Variants in DCC observed in about 807,000 individuals in gnomAD.
The protein encoded by DCC is netrin receptor DCC.
A neutral mutation model predicts 172.5 loss-of-function variants in DCC; 58 were observed. That is an observed-to-expected ratio of 0.34 (90% CI 0.27 to 0.42). DCC has a LOEUF of 0.42. Ranked by LOEUF, DCC falls within the 10% of genes least tolerant of loss-of-function variation. The pLI is 1.00. For synonymous variants in DCC, 709 were observed against 644.5 expected (o/e 1.10, Z -1.52); for missense variants, 1,740 against 1,791.0 (o/e 0.97, Z 0.51).
At chr18:53,156,769 T>G (rs1223839786) in intron 7 of DCC, among the ~76,000 whole-genome samples, 2 of 152,202 alleles carry the variant, frequency 1.3e-5, no homozygotes, top group African/African-American at 4.8e-5. Context: ...TGAGTTTATC[T>G]TCTGAATTGT....
rs184992750 is a variant in DCC, at chr18:53,029,309, A to G, written c.986-33996A>G. ...TAAGAATAGCCTAAAATAAATTTCT[A>G]TTGCTTCATTAGAACAGTGTCACCT... On this transcript the variant is annotated intron_variant, in intron 5 of 28. Transcript: ENST00000442544. 4.6e-5 allele frequency among the ~76,000 whole-genome samples: 7 copies of G among 152,284 alleles called. No individual in the cohort carries two copies. In the East Asian group the frequency reaches 5.8e-4, roughly 13 times the overall value.
At position 53,427,999 on chromosome 18, in the gene DCC, TATATA is replaced by T. The variant is rs1185133879; in HGVS notation, c.3164-7136_3164-7132del. Among the ~76,000 whole-genome samples the T allele has an allele frequency of 1.2e-3, 100 of 82,918 alleles. 13 individuals are homozygous for T. Among genetic ancestry groups the T allele is most frequent in the Middle Eastern group, 0.01 (1 of 96 alleles). The allele number at this position is 82,918 out of a possible 152,430, so 54.4% of individuals were successfully genotyped here. A position where few individuals can be genotyped will look rare whatever the true frequency, so the allele number is the denominator to read the frequency against. On this transcript the variant is annotated intron_variant, in intron 21 of 28. Transcript: ENST00000442544. ...AATATAATATAATATATTATAATAATATATAATATAATACTATAATAATATAGAAT... is the reference window on the plus strand; with the variant it reads ...AATATAATATAATATATTATAATAATATATAATACTATAATAATATAGAAT...
chr18:53,186,284 G>A (rs971479990), intron 9 of DCC, among the ~76,000 whole-genome samples: 4 of 152,300 alleles, frequency 2.6e-5, no homozygotes, highest in South Asian at 2.1e-4. Context: ...CAGGCAGCAC[G>A]GTCAACTAGT....
intron 22 of DCC, among the ~76,000 whole-genome samples, chr18:53,448,846 C>T (rs376306497): frequency 5.0e-4 from 76 of 152,184 alleles, no homozygotes; most frequent in African/African-American, 1.8e-3. Context: ...GAGCAAGACT[C>T]TGTCTCAAAA....
At chr18:52,797,826 C>T (rs777207386) in intron 2 of DCC, among the ~76,000 whole-genome samples, 3 of 152,158 alleles carry the variant, frequency 2.0e-5, no homozygotes, top group African/African-American at 4.8e-5. Flanking sequence ...GCCAGGTCCC[C>T]GGACAGTACA....
chr18:53,487,008 G>C (rs200908858), intron 26 of DCC, 50 bp downstream of exon 26: 1 of 1,610,352 alleles, frequency 6.2e-7, no homozygotes, highest in Non-Finnish European at 8.5e-7. Flanking sequence ...TAATAGCAAA[G>C]GTGTCTTGTA....
intron 12 of DCC, among the ~76,000 whole-genome samples, chr18:53,251,162 A>G (rs772606292): frequency 1.6e-4 from 24 of 151,568 alleles, no homozygotes; most frequent in Non-Finnish European, 3.2e-4. Context: ...GCTCCCCCCA[A>G]CCCCTGCTTT....
At chr18:52,958,249 TC>T (rs1273408399) in intron 5 of DCC, among the ~76,000 whole-genome samples, 1 of 152,128 alleles carries the variant, frequency 6.6e-6, no homozygotes, top group Non-Finnish European at 1.5e-5. Flanking sequence ...TTTTTTATAA[TC>T]TGCATTTTTT....
At chr18:52,688,357 C>A (rs1430339017) in intron 1 of DCC, among the ~76,000 whole-genome samples, 4 of 152,040 alleles carry the variant, frequency 2.6e-5, no homozygotes, top group Non-Finnish European at 5.9e-5. Flanking sequence ...AATATGGAAG[C>A]TTGGAGTGAT....
chr18:53,478,105 C>T (rs1387365528), intron 25 of DCC, among the ~76,000 whole-genome samples: 1 of 152,164 alleles, frequency 6.6e-6, no homozygotes, highest in African/African-American at 2.4e-5. Flanking sequence ...GTGAAGGATA[C>T]AGAATTGGGG....
At chr18:52,626,250 A>G (rs922853526) in intron 1 of DCC, among the ~76,000 whole-genome samples, 22 of 152,178 alleles carry the variant, frequency 1.4e-4, no homozygotes, top group African/African-American at 5.3e-4. Flanking sequence ...TCCAGGTGCC[A>G]TATAGATGGA....
intron 2 of DCC, among the ~76,000 whole-genome samples, chr18:52,872,559 T>G (rs1295588684): frequency 6.6e-6 from 1 of 152,172 alleles, no homozygotes; most frequent in African/African-American, 2.4e-5. Context: ...TATTTTTGTT[T>G]CCTTCAATCT....
chr18:52,759,555 T>C (rs2037127294), intron 2 of DCC, among the ~76,000 whole-genome samples: 1 of 152,184 alleles, frequency 6.6e-6, no homozygotes, highest in African/African-American at 2.4e-5. Flanking sequence ...TACAGTTCGA[T>C]TTTGCTGGTA....
intron 2 of DCC, among the ~76,000 whole-genome samples, chr18:52,795,204 T>A (rs1311912615): frequency 6.6e-6 from 1 of 152,082 alleles, no homozygotes; most frequent in Non-Finnish European, 1.5e-5. Context: ...GAATAATCTG[T>A]GTTAGTTCTT....
chr18:52,690,609 C>G (rs7235940), intron 1 of DCC, among the ~76,000 whole-genome samples: 15,451 of 152,034 alleles, frequency 0.1, 1,507 homozygotes, highest in African/African-American at 0.25. Flanking sequence ...ACACAAGAAC[C>G]AAAGGAGATT....
intron 14 of DCC, among the ~76,000 whole-genome samples, chr18:53,335,996 C>A (rs373804437): frequency 2.0e-5 from 3 of 152,242 alleles, no homozygotes; most frequent in East Asian, 1.9e-4. Context: ...CAACGGGTAC[C>A]TCCCACAACA....
chr18:52,598,467 G>T (rs772088355), intron 1 of DCC, among the ~76,000 whole-genome samples: 1 of 152,184 alleles, frequency 6.6e-6, no homozygotes, highest in Non-Finnish European at 1.5e-5. Context: ...GCCCAAGAAT[G>T]CATGGAGTCT....
At chr18:53,144,972 T>C (rs2043883833) in intron 7 of DCC, among the ~76,000 whole-genome samples, 1 of 152,104 alleles carries the variant, frequency 6.6e-6, no homozygotes, top group Admixed American at 6.5e-5. Context: ...TGTATTATGC[T>C]ATCTTTAGAA....
At chr18:52,839,197 AAAATG>A (rs1479415454) in intron 2 of DCC, among the ~76,000 whole-genome samples, 2 of 152,228 alleles carry the variant, frequency 1.3e-5, no homozygotes, top group East Asian at 3.9e-4. Context: ...ATAATACATG[AAAATG>A]AAATGACTTT....
Sources: allele counts gnomAD v4.1 joint callset (sites outside exome capture counted in the v4.1 genomes callset), GRCh38; gene constraint gnomAD v4.1.1; transcripts MANE v1.5; gene names NCBI Gene and HGNC (gene_info 2026-07-23, HGNC 2026-07-21).